The following PCLO variants were observed in gnomAD, a reference collection of about 807,000 sequenced individuals.
PCLO encodes the protein piccolo presynaptic cytomatrix protein, also known as protein piccolo.
Under a neutral mutation model 427.5 loss-of-function variants are expected in PCLO, and 82 were observed. The observed-to-expected ratio is 0.19, with a 90% CI of 0.16 to 0.23. The LOEUF is 0.23. PCLO is among the 10% of genes least tolerant of loss of function. The pLI is 1.00. For synonymous variants in PCLO, 2,357 were observed against 2,155.4 expected, an observed-to-expected ratio of 1.09 and a Z score of -2.59; for missense variants, 6,239 against 6,115.9, an observed-to-expected ratio of 1.02 and a Z score of -0.67.
chr7:83,006,233 G>C (rs886666), intron 3 of PCLO, among the ~76,000 whole-genome samples: 1 of 151,306 alleles, frequency 6.6e-6, no homozygotes, highest in Non-Finnish European at 1.5e-5. Context: ...AAGTTTAAAA[G>C]ATATTCGTGA....
rs779398485 is a variant in PCLO, at chr7:83,135,470, G to T, written c.2080C>A (p.Leu694Ile). The change falls in exon 3 of 25, where the codon CTC becomes ATC. Residue 694 changes from leucine to isoleucine, a missense_variant. Physicochemically the swap from Leu to Ile is conservative, Grantham distance 5 (BLOSUM62 2). This residue lies in a region of PCLO where 4,677 missense variants were observed against 4,468.4 expected (regional missense o/e 1.05). Transcript: ENST00000333891. ...TTTTTAGGCTCAGGTGCCTTGGAGA[G>T]ATCCTGTTTTGGTGCAGCATCCTTC... ...PKKDAAPKQD[L>I]SKAPEPKKPP... The T allele has an allele frequency of 1.1e-5, 18 of 1,613,662 alleles. No individual in the cohort carries two copies. The highest frequency in any genetic ancestry group is 4.4e-5 in the South Asian group (4 of 91,066).
At chr7:82,885,940 G>C (rs917793330) in intron 9 of PCLO, among the ~76,000 whole-genome samples, 2 of 152,086 alleles carry the variant, frequency 1.3e-5, no homozygotes, top group Admixed American at 1.3e-4. Flanking sequence ...TCTCCTGTCT[G>C]GTTTATGCCA....
At chr7:82,833,922 C>A (rs114689415) in intron 16 of PCLO, among the ~76,000 whole-genome samples, 907 of 152,146 alleles carry the variant, frequency 6.0e-3, no homozygotes, top group African/African-American at 0.021. Context: ...CTTAAAGCTT[C>A]TAAGTGACAG....
chr7:82,802,402 G>T (rs1186862352), intron 21 of PCLO, among the ~76,000 whole-genome samples: 1 of 152,036 alleles, frequency 6.6e-6, no homozygotes. Context: ...ATCACTTTTA[G>T]TTTTCAGCTT....
At chr7:82,782,870 A>G (rs887519772) in intron 22 of PCLO, among the ~76,000 whole-genome samples, 7 of 152,124 alleles carry the variant, frequency 4.6e-5, no homozygotes, top group African/African-American at 1.7e-4. Flanking sequence ...CTCTTTCACC[A>G]CTATCTCAAG....
intron 3 of PCLO, among the ~76,000 whole-genome samples, chr7:83,082,066 T>G (rs1332216304): frequency 6.6e-6 from 1 of 151,528 alleles, no homozygotes; most frequent in Non-Finnish European, 1.5e-5. Flanking sequence ...TTTAAGGTAG[T>G]AATTTCCTAA....
intron 3 of PCLO, among the ~76,000 whole-genome samples, chr7:83,026,567 A>G (rs1382553542): frequency 4.6e-5 from 7 of 150,590 alleles, no homozygotes; most frequent in African/African-American, 1.7e-4. Flanking sequence ...GTCAACAAGG[A>G]TACCCAGGAA....
At chr7:82,905,396 T>A (rs1304015365) in intron 8 of PCLO, among the ~76,000 whole-genome samples, 2 of 151,974 alleles carry the variant, frequency 1.3e-5, no homozygotes. Flanking sequence ...CATACAGACA[T>A]CCCTTCCCTC....
At chr7:83,021,719 G>GTAA (rs1167095358) in intron 3 of PCLO, among the ~76,000 whole-genome samples, 3 of 152,152 alleles carry the variant, frequency 2.0e-5, no homozygotes, top group Non-Finnish European at 4.4e-5. Context: ...GTGATTAAGA[G>GTAA]TAAAGCGTCT....
intron 3 of PCLO, among the ~76,000 whole-genome samples, chr7:83,114,761 G>A (rs1031229253): frequency 6.6e-6 from 1 of 151,988 alleles, no homozygotes; most frequent in Non-Finnish European, 1.5e-5. Context: ...GGTATACAAT[G>A]CCATGAGAAA....
chr7:82,978,140 T>A (rs944189051), intron 3 of PCLO, among the ~76,000 whole-genome samples: 1 of 148,182 alleles, frequency 6.7e-6, no homozygotes, highest in Non-Finnish European at 1.5e-5. Context: ...TCACCTGTCA[T>A]TTTTTTTTTA....
chr7:82,922,509 T>C (rs1487299235), intron 6 of PCLO, among the ~76,000 whole-genome samples: 1 of 152,028 alleles, frequency 6.6e-6, no homozygotes, highest in Non-Finnish European at 1.5e-5. Flanking sequence ...ATACCACATG[T>C]TGTCACCTAT....
intron 20 of PCLO, among the ~76,000 whole-genome samples, chr7:82,808,562 T>A (rs1791504885): frequency 6.6e-6 from 1 of 151,904 alleles, no homozygotes; most frequent in South Asian, 2.1e-4. Context: ...TTTGAAAGCC[T>A]GTGCAAGTGT....
intron 22 of PCLO, among the ~76,000 whole-genome samples, chr7:82,781,736 C>T (rs1790877663): frequency 6.6e-6 from 1 of 152,140 alleles, no homozygotes; most frequent in Non-Finnish European, 1.5e-5. Context: ...CTTCTCCCAC[C>T]TTTCTGATGT....
intron 3 of PCLO, among the ~76,000 whole-genome samples, chr7:83,111,434 G>A (rs10262819): frequency 0.52 from 78,423 of 152,016 alleles, 20,781 homozygotes; most frequent in African/African-American, 0.64. Context: ...CTCTTCAAAG[G>A]ACCGGAGGAG....
chr7:82,831,663 T>C (rs968492408), intron 16 of PCLO, among the ~76,000 whole-genome samples: 4 of 152,170 alleles, frequency 2.6e-5, no homozygotes, highest in Non-Finnish European at 5.9e-5. Context: ...TTCATTTTAA[T>C]AGAGTATCTT....
chr7:83,101,893 C>T (rs2116490291), intron 3 of PCLO, among the ~76,000 whole-genome samples: 1 of 152,116 alleles, frequency 6.6e-6, no homozygotes, highest in Non-Finnish European at 1.5e-5. Context: ...CTTGAATAAA[C>T]CCACACTTTT....
intron 10 of PCLO, among the ~76,000 whole-genome samples, chr7:82,860,889 A>G (rs1241721520): frequency 6.6e-6 from 1 of 152,082 alleles, no homozygotes; most frequent in African/African-American, 2.4e-5. Context: ...TTAAGTTATT[A>G]TCAGGTTAAA....
intron 3 of PCLO, among the ~76,000 whole-genome samples, chr7:83,041,704 G>A (rs1429429174): frequency 2.0e-5 from 3 of 152,068 alleles, no homozygotes; most frequent in Admixed American, 1.3e-4. Context: ...TTCCAATATA[G>A]CATTTAATCA....
Sources: gnomAD v4.1 joint callset for allele counts (sites outside exome capture counted in the v4.1 genomes callset) on GRCh38, gnomAD v4.1.1 for gene constraint, gnomAD v4.1.1 regional missense constraint, MANE v1.5 for transcripts, NCBI Gene and HGNC (gene_info 2026-07-23, HGNC 2026-07-21) for gene names.